The following CSMD1 variants were observed in gnomAD, a reference collection of about 807,000 sequenced individuals.
CSMD1 encodes CUB and sushi domain-containing protein 1.
A neutral mutation model predicts 417.5 loss-of-function variants in CSMD1; 213 were observed. That is an observed-to-expected ratio of 0.51 (90% CI 0.46 to 0.57). The LOEUF (loss-of-function observed/expected upper bound fraction) is 0.57. Among genes scored for constraint, CSMD1 ranks in the 20% least tolerant of loss-of-function variants. The pLI is 0.00. For missense variants in CSMD1, 6,923 were observed against 4,529.7 expected (o/e 1.53, Z -15.17); for synonymous variants, 2,862 against 1,736.8 (o/e 1.65, Z -16.11).
At chr8:3,413,279 T>C (rs1812930079) in intron 12 of CSMD1, among the ~76,000 whole-genome samples, 1 of 152,210 alleles carries the variant, frequency 6.6e-6, no homozygotes, top group Non-Finnish European at 1.5e-5. Context: ...CTATTTTTAA[T>C]ATTAATTAAC....
At chr8:4,266,466 G>C (rs1266167917) in intron 3 of CSMD1, among the ~76,000 whole-genome samples, 1 of 104,228 alleles carries the variant, frequency 9.6e-6, no homozygotes, top group Non-Finnish European at 2.6e-5. Context: ...TTAGATAGAA[G>C]CCAAGGATAA....
intron 12 of CSMD1, among the ~76,000 whole-genome samples, chr8:3,424,844 A>G (rs1813722369): frequency 6.6e-6 from 1 of 152,106 alleles, no homozygotes; most frequent in African/African-American, 2.4e-5. Flanking sequence ...ATTTTTTTAA[A>G]TATTATTTTA....
intron 3 of CSMD1, among the ~76,000 whole-genome samples, chr8:4,362,766 G>GC (rs1801846188): frequency 6.6e-6 from 1 of 152,070 alleles, no homozygotes; most frequent in Non-Finnish European, 1.5e-5. Flanking sequence ...GAGCAATTTA[G>GC]TTTTTAAGTT....
intron 6 of CSMD1, among the ~76,000 whole-genome samples, chr8:3,711,891 C>A (rs1382698618): frequency 6.6e-6 from 1 of 152,136 alleles, no homozygotes; most frequent in Non-Finnish European, 1.5e-5. Flanking sequence ...TCACCCTAAA[C>A]AGATAAGACA....
intron 7 of CSMD1, among the ~76,000 whole-genome samples, chr8:3,667,060 T>C (rs951367634): frequency 8.5e-5 from 13 of 152,160 alleles, no homozygotes; most frequent in Non-Finnish European, 1.5e-4. Context: ...CATTCCTTCA[T>C]TCTCTAAATG....
At chr8:3,949,733 A>C (rs1386850648) in intron 5 of CSMD1, among the ~76,000 whole-genome samples, 1 of 152,106 alleles carries the variant, frequency 6.6e-6, no homozygotes, top group African/African-American at 2.4e-5. Context: ...AGCAATGGGG[A>C]CTTGATCCCA....
At chr8:3,463,284 C>A (rs1417613872) in intron 12 of CSMD1, among the ~76,000 whole-genome samples, 1 of 152,144 alleles carries the variant, frequency 6.6e-6, no homozygotes, top group Non-Finnish European at 1.5e-5. Context: ...CACAAGTCAC[C>A]AACTCAGGCT....
chr8:3,207,756 T>A (rs2116772267), intron 30 of CSMD1, among the ~76,000 whole-genome samples: 1 of 152,282 alleles, frequency 6.6e-6, no homozygotes, highest in South Asian at 2.1e-4. Context: ...AGCAGAGATT[T>A]TACTTAAATA....
chr8:3,013,909 C>A (rs1032666394), intron 52 of CSMD1, among the ~76,000 whole-genome samples: 1 of 152,066 alleles, frequency 6.6e-6, no homozygotes, highest in Non-Finnish European at 1.5e-5. Context: ...ATGGGAAGAA[C>A]CTTATTAATA....
intron 10 of CSMD1, 108 bp from the exon 11 acceptor site, chr8:3,493,834 C>A: frequency 1.3e-6 from 1 of 786,902 alleles, no homozygotes; most frequent in Non-Finnish European, 2.1e-6. Flanking sequence ...TCCTTAATGC[C>A]AATGTCAAAT....
intron 11 of CSMD1, among the ~76,000 whole-genome samples, chr8:3,491,055 C>T (rs1818344798): frequency 1.3e-5 from 2 of 152,008 alleles, no homozygotes; most frequent in Admixed American, 6.6e-5. Context: ...TGGAAATGTT[C>T]CTGAAGGTAT....
intron 3 of CSMD1, among the ~76,000 whole-genome samples, chr8:4,236,923 A>T (rs1802100272): frequency 6.6e-6 from 1 of 152,224 alleles, no homozygotes; most frequent in South Asian, 2.1e-4. Flanking sequence ...CTAAAATTGT[A>T]ATCAGAAACA....
In CSMD1 at chr8:4,251,964, A is replaced by G. The variant is rs541129790; in HGVS notation, c.415+167989T>C. 4.6e-5 allele frequency among the ~76,000 whole-genome samples: 7 copies of G among 152,062 alleles called. No individual in the cohort carries two copies. In the East Asian group the frequency reaches 1.4e-3, roughly 30 times the overall value. ...GAGTAGAGGGGAAGAAAGATGTTCAATGGAGGTAAGGAGAAAACAGAGCTA... is the reference window on the plus strand; with the variant it reads ...GAGTAGAGGGGAAGAAAGATGTTCAGTGGAGGTAAGGAGAAAACAGAGCTA... On this transcript the variant is annotated intron_variant, in intron 3 of 69. Transcript: ENST00000635120.
chr8:3,483,185 T>C (rs911776555), intron 11 of CSMD1, among the ~76,000 whole-genome samples: 3 of 152,004 alleles, frequency 2.0e-5, no homozygotes, highest in African/African-American at 7.2e-5. Context: ...AAATATTCTC[T>C]TTCAAAAATA....
At chr8:4,820,791 C>T (rs1420355341) in intron 1 of CSMD1, among the ~76,000 whole-genome samples, 2 of 151,996 alleles carry the variant, frequency 1.3e-5, no homozygotes, top group African/African-American at 4.8e-5. Flanking sequence ...TAATATGAAA[C>T]AAGACAATAA....
chr8:4,120,321 T>C (rs1802411250), intron 3 of CSMD1, among the ~76,000 whole-genome samples: 1 of 152,216 alleles, frequency 6.6e-6, no homozygotes, highest in Non-Finnish European at 1.5e-5. Context: ...TCAATTTTAT[T>C]GATTACTTAG....
intron 12 of CSMD1, among the ~76,000 whole-genome samples, chr8:3,424,407 C>G (rs1288039369): frequency 1.3e-5 from 2 of 152,136 alleles, no homozygotes; most frequent in East Asian, 3.9e-4. Context: ...GAGAGTGTAC[C>G]AAGCAAAACA....
intron 51 of CSMD1, among the ~76,000 whole-genome samples, chr8:3,022,400 T>A (rs891643577): frequency 6.6e-6 from 1 of 152,216 alleles, no homozygotes; most frequent in Non-Finnish European, 1.5e-5. Flanking sequence ...GCGTCCGGAA[T>A]GCACGTGCAA....
chr8:4,548,881 T>A (rs1797745755), intron 2 of CSMD1, among the ~76,000 whole-genome samples: 1 of 152,168 alleles, frequency 6.6e-6, no homozygotes, highest in Admixed American at 6.5e-5. Flanking sequence ...TATTTCTCTG[T>A]ACCTTAAAAT....
Sources: allele counts gnomAD v4.1 joint callset (sites outside exome capture counted in the v4.1 genomes callset), GRCh38; gene constraint gnomAD v4.1.1; transcripts MANE v1.5; gene names NCBI Gene and HGNC (gene_info 2026-07-23, HGNC 2026-07-21).